INSL6: variants seen among roughly 807,000 people sequenced by gnomAD.
The protein encoded by INSL6 is insulin like 6.
In INSL6, 16 loss-of-function variants were observed where a neutral mutation model predicts 9.4. That is an observed-to-expected ratio of 1.70 (90% CI 1.15 to 2.59). The LOEUF (loss-of-function observed/expected upper bound fraction) is 2.59. Among genes scored for constraint, INSL6 ranks in the 30% most tolerant of loss-of-function variants. The pLI, the probability that INSL6 is intolerant of heterozygous loss-of-function variation, is 0.00. For missense variants in INSL6, 391 were observed against 257.3 expected (o/e 1.52, Z -3.56); for synonymous variants, 154 against 96.9 (o/e 1.59, Z -3.46).
chr9:5,163,390 CAGT>C (rs1824968999), downstream of INSL6, among the ~76,000 whole-genome samples: 2 of 152,130 alleles, frequency 1.3e-5, no homozygotes, highest in Admixed American at 6.5e-5. Context: ...TTTAAGTTCT[CAGT>C]AGAAATTGTG....
At chr9:5,169,094 T>C (rs150200004) in intron 1 of INSL6, among the ~76,000 whole-genome samples, 27 of 152,246 alleles carry the variant, frequency 1.8e-4, no homozygotes, top group Middle Eastern at 3.4e-3. Flanking sequence ...GCCCGGCTAA[T>C]TTTGTATTTT....
At chr9:5,058,761 G>A in the INSL6 span, among the ~76,000 whole-genome samples, 42 of 152,190 alleles carry the variant, frequency 2.8e-4, no homozygotes, top group African/African-American at 9.9e-4. Context: ...ATCTCATTGT[G>A]ATTTTGATTC....
the INSL6 span, among the ~76,000 whole-genome samples, chr9:5,104,983 C>A: frequency 6.6e-6 from 1 of 152,186 alleles, no homozygotes; most frequent in African/African-American, 2.4e-5. Context: ...GAAGCATTCC[C>A]TTTGAAAACT....
intron 2 of INSL6, among the ~76,000 whole-genome samples, chr9:5,135,116 A>G (rs1230496489): frequency 1.3e-5 from 2 of 152,200 alleles, no homozygotes; most frequent in Non-Finnish European, 2.9e-5. Context: ...AAGGGAATCA[A>G]TGCAACAAGA....
the INSL6 span, among the ~76,000 whole-genome samples, chr9:5,115,376 A>C: frequency 6.6e-6 from 1 of 152,218 alleles, no homozygotes; most frequent in African/African-American, 2.4e-5. Context: ...ATCTCATGCC[A>C]GTTAGAATGG....
chr9:5,037,512 G>GCAGCCATGA, the INSL6 span, among the ~76,000 whole-genome samples: 3 of 152,188 alleles, frequency 2.0e-5, no homozygotes, highest in East Asian at 5.8e-4. Context: ...ATACACCATG[G>GCAGCCATGA]AATACTGTGC....
the INSL6 span, chr9:5,112,748 CGAGAA>C: frequency 1.5e-6 from 1 of 686,844 alleles, no homozygotes; most frequent in Non-Finnish European, 2.2e-6. Context: ...TTTGAAACGG[CGAGAA>C]GAGAAGGTGT....
chr9:5,030,087 T>C, the INSL6 span, among the ~76,000 whole-genome samples: 1 of 152,234 alleles, frequency 6.6e-6, no homozygotes, highest in Admixed American at 6.5e-5. Flanking sequence ...TTATACATGT[T>C]GTGTAAGTAG....
At chr9:5,140,732 AT>A (rs1481562967) in intron 2 of INSL6, among the ~76,000 whole-genome samples, 1 of 151,818 alleles carries the variant, frequency 6.6e-6, no homozygotes, top group Non-Finnish European at 1.5e-5. Context: ...TTTCCCCTTA[AT>A]TTTAAGTTCA....
the INSL6 span, among the ~76,000 whole-genome samples, chr9:5,075,764 A>G: frequency 6.6e-6 from 1 of 152,188 alleles, no homozygotes; most frequent in African/African-American, 2.4e-5. Flanking sequence ...AGTTATTTCA[A>G]CTTTCAAGTC....
At chr9:5,083,962 TTATTAA>T in the INSL6 span, among the ~76,000 whole-genome samples, 2,378 of 152,214 alleles carry the variant, frequency 0.016, 37 homozygotes, top group East Asian at 0.073. Flanking sequence ...GATTTTCCCA[TTATTAA>T]TATTCTTTTG....
intron 2 of INSL6, among the ~76,000 whole-genome samples, chr9:5,156,034 A>C (rs1012531153): frequency 6.6e-6 from 1 of 152,208 alleles, no homozygotes; most frequent in African/African-American, 2.4e-5. Flanking sequence ...ATTAGCATTT[A>C]TACAGATCCT....
At chr9:5,184,428 T>C (rs1044320958) in intron 1 of INSL6, among the ~76,000 whole-genome samples, 8 of 152,190 alleles carry the variant, frequency 5.3e-5, no homozygotes, top group Non-Finnish European at 8.8e-5. Context: ...AAAAACATAG[T>C]AAGATATACC....
chr9:5,107,202 C>T, the INSL6 span, among the ~76,000 whole-genome samples: 159 of 152,104 alleles, frequency 1.0e-3, 1 homozygote, highest in African/African-American at 3.6e-3. Flanking sequence ...CAACTAGTTT[C>T]GATAATATCT....
At chr9:5,006,871 T>A in the INSL6 span, among the ~76,000 whole-genome samples, 1 of 152,236 alleles carries the variant, frequency 6.6e-6, no homozygotes, top group African/African-American at 2.4e-5. Context: ...CTTCTTGTGC[T>A]AGTTTAGGTA....
the INSL6 span, among the ~76,000 whole-genome samples, chr9:4,993,639 T>C: frequency 6.6e-6 from 1 of 152,210 alleles, no homozygotes; most frequent in Non-Finnish European, 1.5e-5. Flanking sequence ...CTCACTTTGC[T>C]TGAAGTCCTC....
the INSL6 span, chr9:5,090,912 G>T: frequency 6.3e-7 from 1 of 1,586,258 alleles, no homozygotes; most frequent in Non-Finnish European, 8.6e-7. Flanking sequence ...CCATATTCTG[G>T]TGAGTATATT....
At chr9:5,112,397 G>A in the INSL6 span, 1 of 451,106 alleles carries the variant, frequency 2.2e-6, no homozygotes, top group South Asian at 2.6e-5. Flanking sequence ...TCAAGCGGGA[G>A]GAGGAGGATG....
intron 1 of INSL6, among the ~76,000 whole-genome samples, chr9:5,168,211 G>A (rs148806427): frequency 3.3e-5 from 5 of 152,242 alleles, no homozygotes; most frequent in East Asian, 1.9e-4. Flanking sequence ...GCACAGAACC[G>A]GGCTGAGTCA....
Sources: allele counts gnomAD v4.1 joint callset (sites outside exome capture counted in the v4.1 genomes callset), GRCh38; gene constraint gnomAD v4.1.1; transcripts MANE v1.5; gene names NCBI Gene and HGNC (gene_info 2026-07-23, HGNC 2026-07-21).